The following ITPR1 variants were observed in gnomAD, a reference collection of about 807,000 sequenced individuals.
ITPR1 encodes the protein inositol 1,4,5-trisphosphate receptor type 1.
In ITPR1, 96 loss-of-function variants were observed where a neutral mutation model predicts 318.4. The observed-to-expected ratio is 0.30, with a 90% CI of 0.26 to 0.36. The LOEUF (loss-of-function observed/expected upper bound fraction) is 0.36. ITPR1 is among the 10% of genes least tolerant of loss of function. ITPR1 has a pLI of 1.00. For missense variants in ITPR1, 2,440 were observed against 3,460.2 expected (o/e 0.71, Z 7.40); for synonymous variants, 1,312 against 1,289.9 (o/e 1.02, Z -0.37).
intron 24 of ITPR1, among the ~76,000 whole-genome samples, chr3:4,677,011 C>T (rs966801515): frequency 5.3e-5 from 8 of 152,176 alleles, no homozygotes; most frequent in African/African-American, 1.7e-4. Context: ...TCCCTCCAGC[C>T]ATGTCAAGAC....
chr3:4,609,622 G>C (rs1013284058), intron 4 of ITPR1, among the ~76,000 whole-genome samples: 1 of 151,992 alleles, frequency 6.6e-6, no homozygotes, highest in Non-Finnish European at 1.5e-5. Context: ...AAGGACTCTG[G>C]TGCTCAGGGC....
At chr3:4,716,685 T>C (rs565580187) in intron 39 of ITPR1, among the ~76,000 whole-genome samples, 2 of 152,332 alleles carry the variant, frequency 1.3e-5, no homozygotes, top group East Asian at 3.9e-4. Context: ...CAAAGCCTAA[T>C]AAAAAATCAG....
intron 5 of ITPR1, among the ~76,000 whole-genome samples, chr3:4,630,114 A>C (rs1231847064): frequency 6.6e-6 from 1 of 152,178 alleles, no homozygotes; most frequent in Non-Finnish European, 1.5e-5. Flanking sequence ...GAAAGTAATA[A>C]ATTATATAGT....
intron 43 of ITPR1, among the ~76,000 whole-genome samples, 191 bp from the exon 44 acceptor site, chr3:4,734,973 G>C (rs1317568521): frequency 6.6e-6 from 1 of 152,184 alleles, no homozygotes; most frequent in Non-Finnish European, 1.5e-5. Flanking sequence ...CTGACAAGCT[G>C]GGTGTCCTTA....
At position 4,815,809 on chromosome 3, in the gene ITPR1, A is replaced by AAT. The variant is rs200124446; in HGVS notation, c.7867+591_7867+592insAT. Among the ~76,000 whole-genome samples the AAT allele has an allele frequency of 9.1e-3, 1,381 of 152,278 alleles. 16 individuals carry two copies. The highest frequency in any genetic ancestry group is 0.031 in the African/African-American group (1,308 of 41,536). On this transcript the variant is annotated intron_variant, in intron 59 of 61. Transcript: ENST00000649015. ...CTAGTGGTATGTATGCTAAAAAAAA[A>AAT]GATCAGTTTCCAATTAAAGACTTAA...
intron 54 of ITPR1, among the ~76,000 whole-genome samples, chr3:4,802,986 G>C (rs370327500): frequency 6.4e-4 from 98 of 152,184 alleles, no homozygotes; most frequent in Middle Eastern, 6.8e-3. Flanking sequence ...CCTGAGACTC[G>C]GTAATTTATA....
intron 8 of ITPR1, among the ~76,000 whole-genome samples, chr3:4,645,154 A>G (rs1338883763): frequency 6.6e-6 from 1 of 152,208 alleles, no homozygotes; most frequent in Admixed American, 6.5e-5. Flanking sequence ...GCTTGGTTCC[A>G]TTAGTCATGG....
chr3:4,533,369 C>G (rs1012562788), intron 4 of ITPR1, among the ~76,000 whole-genome samples: 1 of 152,166 alleles, frequency 6.6e-6, no homozygotes, highest in Admixed American at 6.5e-5. Flanking sequence ...CTGCCCTGCT[C>G]TTACTAGTTA....
intron 5 of ITPR1, among the ~76,000 whole-genome samples, chr3:4,637,836 A>G (rs2093236302): frequency 6.6e-6 from 1 of 152,250 alleles, no homozygotes; most frequent in Non-Finnish European, 1.5e-5. Context: ...CTTTGAAGGA[A>G]ACAGAAAGGT....
chr3:4,554,971 G>A (rs899295639), intron 4 of ITPR1, among the ~76,000 whole-genome samples: 9 of 152,152 alleles, frequency 5.9e-5, no homozygotes, highest in African/African-American at 1.9e-4. Flanking sequence ...GGGGAATAGG[G>A]GTGAAGAAAG....
At position 4,691,381 on chromosome 3, in the gene ITPR1, G is replaced by T. The variant is rs561079331; in HGVS notation, c.4029+37G>T. 4 of 1,412,950 alleles carry T rather than the reference G, an allele frequency of 2.8e-6. No individual in the cohort carries two copies. The East Asian group carries it at 6.9e-5, about 25-fold the overall frequency. 87.5% of individuals were successfully genotyped at this position (1,412,950 alleles called of 1,614,324 possible). On this transcript the variant is annotated intron_variant, in intron 32 of 61. Transcript: ENST00000649015. ...ATATTTCTGTATACCTCCATCTGGT[G>T]TTCTGTAGAAATTTTAAAATTATTT...
chr3:4,521,868 TCAAAAA>T (rs112233957), intron 4 of ITPR1, among the ~76,000 whole-genome samples: 21,456 of 151,648 alleles, frequency 0.14, 1,786 homozygotes, highest in African/African-American at 0.23. Context: ...AGACCCTGTC[TCAAAAA>T]CAAAAACAAA....
Position 4,795,167 on chromosome 3 carries a change from C to T in ITPR1, c.6911C>T (p.Pro2304Leu). Reference protein sequence around the residue: ...LMNLLVAFFYPFKGVRGGTLE... With the variant: ...LMNLLVAFFYLFKGVRGGTLE... Reference sequence around the variant, plus strand: ...AACCTGCTGGTGGCGTTTTTCTACCCGTTTAAGGGAGTCCGAGGAGGTACC... The same window carrying T: ...AACCTGCTGGTGGCGTTTTTCTACCTGTTTAAGGGAGTCCGAGGAGGTACC... Residue 2304 changes from proline to leucine, a missense_variant, in exon 53 of 62, where the codon CCG becomes CTG. This residue lies in a region of ITPR1 where 115 missense variants were observed against 204.5 expected (regional missense o/e 0.56). Transcript: ENST00000649015. The T allele has an allele frequency of 1.2e-6, 2 of 1,613,558 alleles. No individual in the cohort carries two copies. The highest frequency in any genetic ancestry group is 1.7e-6 in the Non-Finnish European group (2 of 1,179,746).
intron 28 of ITPR1, among the ~76,000 whole-genome samples, 171 bp from the exon 29 acceptor site, chr3:4,684,110 T>G (rs540447565): frequency 3.9e-5 from 6 of 152,286 alleles, no homozygotes; most frequent in Non-Finnish European, 8.8e-5. Context: ...TACTATCCCT[T>G]CCCAAGGAAA....
chr3:4,782,554 G>A (rs2046904425), intron 49 of ITPR1, 65 bp from the exon 50 acceptor site: 3 of 1,499,190 alleles, frequency 2.0e-6, no homozygotes, highest in Admixed American at 2.0e-5. Context: ...TGTGCATGCT[G>A]TCCATCCAGT....
intron 4 of ITPR1, among the ~76,000 whole-genome samples, chr3:4,589,341 C>T (rs2090190184): frequency 6.6e-6 from 1 of 152,078 alleles, no homozygotes; most frequent in African/African-American, 2.4e-5. Context: ...ATTTCATGAC[C>T]CAGTTTCAGT....
intron 41 of ITPR1, 76 bp downstream of exon 41, chr3:4,725,657 T>G (rs901789476): frequency 6.1e-6 from 8 of 1,305,816 alleles, no homozygotes; most frequent in African/African-American, 1.4e-5. Context: ...GTTGGGTGTC[T>G]GAATTGTTGT....
intron 32 of ITPR1, among the ~76,000 whole-genome samples, chr3:4,692,659 A>G (rs1023672968): frequency 5.9e-5 from 9 of 152,348 alleles, no homozygotes; most frequent in East Asian, 1.9e-4. Context: ...TCTTAAATAA[A>G]TTTGCAAGAA....
chr3:4,660,382 T>C (rs1186529988), intron 13 of ITPR1, among the ~76,000 whole-genome samples: 1 of 152,042 alleles, frequency 6.6e-6, no homozygotes, highest in Admixed American at 6.5e-5. Flanking sequence ...GGCTACTCTT[T>C]TATTTTCCCA....
Sources: gnomAD v4.1 joint callset for allele counts (sites outside exome capture counted in the v4.1 genomes callset) on GRCh38, gnomAD v4.1.1 for gene constraint, gnomAD v4.1.1 regional missense constraint, MANE v1.5 for transcripts, NCBI Gene and HGNC (gene_info 2026-07-23, HGNC 2026-07-21) for gene names.